Variants in LDLRAD3 observed in about 807,000 individuals in gnomAD.
LDLRAD3 encodes the protein low density lipoprotein receptor class A domain containing 3, also known as low-density lipoprotein receptor class A domain-containing protein 3.
In LDLRAD3, 20 loss-of-function variants were observed where a neutral mutation model predicts 29.4. The ratio of observed to expected loss-of-function variants is 0.68; its 90% CI spans 0.48 to 0.99. The LOEUF is 0.99. LDLRAD3 is among the 50% of genes least tolerant of loss of function. LDLRAD3 has a pLI of 0.00. For missense variants in LDLRAD3, 420 were observed against 454.3 expected (o/e 0.92, Z 0.69); for synonymous variants, 157 against 192.7 (o/e 0.81, Z 1.53).
intron 4 of LDLRAD3, among the ~76,000 whole-genome samples, chr11:36,108,298 T>G (rs1280705180): frequency 1.8e-5 from 2 of 110,078 alleles, no homozygotes; most frequent in Admixed American, 2.9e-4. Context: ...CCAGCCTGGG[T>G]GACAGAGCGA....
At chr11:36,123,059 T>A (rs948850870) in intron 4 of LDLRAD3, among the ~76,000 whole-genome samples, 4 of 152,068 alleles carry the variant, frequency 2.6e-5, no homozygotes, top group African/African-American at 9.7e-5. Flanking sequence ...TGATGGCACA[T>A]GCCTGTAGTC....
intron 4 of LDLRAD3, among the ~76,000 whole-genome samples, chr11:36,106,099 G>A (rs890242084): frequency 6.6e-5 from 10 of 152,184 alleles, no homozygotes; most frequent in East Asian, 5.8e-4. Context: ...GTAAAGAATC[G>A]CCTCGGTAAG....
chr11:36,214,723 G>A (rs1855328964), intron 4 of LDLRAD3, among the ~76,000 whole-genome samples: 1 of 152,162 alleles, frequency 6.6e-6, no homozygotes, highest in South Asian at 2.1e-4. Flanking sequence ...GTGTGACCTG[G>A]GGCAAATGAC....
intron 1 of LDLRAD3, chr11:35,968,111 A>G (rs746472189): frequency 6.7e-6 from 3 of 447,634 alleles, no homozygotes; most frequent in Admixed American, 2.6e-5. Flanking sequence ...CTCATAGAAC[A>G]CATGTCTCAG....
At chr11:36,224,419 A>G (rs1855471239) in intron 4 of LDLRAD3, among the ~76,000 whole-genome samples, 1 of 152,210 alleles carries the variant, frequency 6.6e-6, no homozygotes, top group Non-Finnish European at 1.5e-5. Context: ...TTTTAGTTTA[A>G]GCCAGAATTC....
chr11:35,977,866 G>A (rs938670326), intron 1 of LDLRAD3, among the ~76,000 whole-genome samples: 1 of 152,114 alleles, frequency 6.6e-6, no homozygotes, highest in Admixed American at 6.5e-5. Flanking sequence ...CCTCCTGAAG[G>A]CCCCATCTCT....
At chr11:36,211,461 G>GA (rs1463341097) in intron 4 of LDLRAD3, among the ~76,000 whole-genome samples, 2 of 152,162 alleles carry the variant, frequency 1.3e-5, no homozygotes, top group Non-Finnish European at 2.9e-5. Flanking sequence ...GTGCTGTGTG[G>GA]AAAATGGATT....
chr11:36,100,888 T>C (rs1418498993), intron 4 of LDLRAD3, among the ~76,000 whole-genome samples: 1 of 152,240 alleles, frequency 6.6e-6, no homozygotes, highest in Non-Finnish European at 1.5e-5. Context: ...CCCAGTATTT[T>C]ACTGAAGCAG....
chr11:36,019,897 G>A (rs1852072598), intron 1 of LDLRAD3, among the ~76,000 whole-genome samples: 1 of 152,190 alleles, frequency 6.6e-6, no homozygotes, highest in African/African-American at 2.4e-5. Flanking sequence ...CTGACTCAGA[G>A]AGGCGTTGTC....
intron 1 of LDLRAD3, among the ~76,000 whole-genome samples, chr11:35,971,300 G>A (rs1851409252): frequency 6.6e-6 from 1 of 152,180 alleles, no homozygotes; most frequent in South Asian, 2.1e-4. Context: ...GGAGTGACAT[G>A]ACCTGTTGGA....
At chr11:36,046,124 C>T (rs1365588640) in intron 2 of LDLRAD3, among the ~76,000 whole-genome samples, 3 of 152,112 alleles carry the variant, frequency 2.0e-5, no homozygotes, top group Non-Finnish European at 4.4e-5. Flanking sequence ...TCATCCATGT[C>T]CCTGCAAAGG....
intron 2 of LDLRAD3, among the ~76,000 whole-genome samples, chr11:36,076,535 G>A (rs563701578): frequency 4.7e-4 from 72 of 152,160 alleles, no homozygotes; most frequent in South Asian, 8.3e-4. Flanking sequence ...ACAGGTGCCC[G>A]CCACCACGCC....
intron 4 of LDLRAD3, chr11:36,197,307 T>C (rs1013008981): frequency 6.6e-6 from 1 of 152,236 alleles, no homozygotes; most frequent in African/African-American, 2.4e-5. Context: ...AAAAGGAATG[T>C]GTGATCAATC....
chr11:35,960,087 C>T (rs1336053622), intron 1 of LDLRAD3, among the ~76,000 whole-genome samples: 1 of 152,118 alleles, frequency 6.6e-6, no homozygotes, highest in East Asian at 1.9e-4. Flanking sequence ...CACTTACATC[C>T]CTTGCATAGG....
At chr11:36,075,947 T>C (rs1331003855) in intron 2 of LDLRAD3, among the ~76,000 whole-genome samples, 1 of 152,234 alleles carries the variant, frequency 6.6e-6, no homozygotes, top group Admixed American at 6.5e-5. Flanking sequence ...TGGACACTTA[T>C]TTACTTTATT....
At chr11:36,167,952 G>A (rs1370261146) in intron 4 of LDLRAD3, among the ~76,000 whole-genome samples, 1 of 152,154 alleles carries the variant, frequency 6.6e-6, no homozygotes, top group African/African-American at 2.4e-5. Context: ...TCATAGAAGA[G>A]AAGTTCAGAG....
At chr11:36,150,618 G>A (rs1291555116) in intron 4 of LDLRAD3, among the ~76,000 whole-genome samples, 2 of 152,108 alleles carry the variant, frequency 1.3e-5, no homozygotes, top group Admixed American at 6.5e-5. Context: ...AGCCGGGCGT[G>A]GTGGCGGGCG....
intron 4 of LDLRAD3, among the ~76,000 whole-genome samples, chr11:36,125,770 A>G (rs926634336): frequency 5.3e-5 from 8 of 152,172 alleles, no homozygotes; most frequent in African/African-American, 1.9e-4. Flanking sequence ...GTGGAGGTGG[A>G]CAGAGTTTTG....
intron 4 of LDLRAD3, among the ~76,000 whole-genome samples, chr11:36,170,829 G>A (rs1246807635): frequency 6.7e-6 from 1 of 148,998 alleles, no homozygotes; most frequent in South Asian, 2.1e-4. Flanking sequence ...TTGAGACGGA[G>A]TCTCCCTCTG....
Sources: gnomAD v4.1 joint callset for allele counts (sites outside exome capture counted in the v4.1 genomes callset) on GRCh38, gnomAD v4.1.1 for gene constraint, MANE v1.5 for transcripts, NCBI Gene and HGNC (gene_info 2026-07-23, HGNC 2026-07-21) for gene names.